Variants in DNAJC13 observed in about 807,000 individuals in gnomAD.
DNAJC13 encodes the protein DnaJ heat shock protein family (Hsp40) member C13.
DNAJC13 carries 75 observed loss-of-function variants against 290.5 expected under a neutral mutation model. The ratio of observed to expected loss-of-function variants is 0.26; its 90% CI spans 0.21 to 0.31. The LOEUF (loss-of-function observed/expected upper bound fraction) is 0.31. Ranked by LOEUF, DNAJC13 falls within the 10% of genes least tolerant of loss-of-function variation. DNAJC13 has a pLI of 1.00. For missense variants in DNAJC13, 2,260 were observed against 2,674.5 expected (o/e 0.85, Z 3.42); for synonymous variants, 862 against 892.0 (o/e 0.97, Z 0.60).
At chr3:132,520,975 A>C (rs1936072077) in intron 48 of DNAJC13, among the ~76,000 whole-genome samples, 1 of 152,244 alleles carries the variant, frequency 6.6e-6, no homozygotes, top group South Asian at 2.1e-4. Flanking sequence ...AGTTCTTTTA[A>C]ATACTAGTCT....
At chr3:132,493,556 AT>A (rs1483669127) in intron 33 of DNAJC13, among the ~76,000 whole-genome samples, 1 of 152,146 alleles carries the variant, frequency 6.6e-6, no homozygotes, top group Non-Finnish European at 1.5e-5. Flanking sequence ...CAAGAATTAA[AT>A]TTGATAGTCT....
chr3:132,538,260 G>T lies in DNAJC13; in HGVS notation c.6710G>T (p.Gly2237Val). Residue 2237 changes from glycine to valine, a missense_variant, in exon 56 of 56, where the codon GGC (glycine) becomes GTC (valine). By Grantham distance (109) the Gly-to-Val change is moderately radical (BLOSUM62 -3). Coordinates refer to ENST00000260818, the MANE Select transcript of DNAJC13 (RefSeq NM_015268.4). ...NLPPPVDHEA[G>V]DLGYQT ...CCACCTCCTGTAGACCATGAGGCAG[G>T]CGACCTTGGCTATCAGACTTGAAAT... The T allele has an allele frequency of 6.2e-7, 1 of 1,613,670 alleles. No homozygotes were observed. Among genetic ancestry groups the T allele is most frequent in the Non-Finnish European group, 8.5e-7 (1 of 1,179,900 alleles).
chr3:132,459,376 T>A (rs943881635), intron 13 of DNAJC13, among the ~76,000 whole-genome samples: 2 of 152,108 alleles, frequency 1.3e-5, no homozygotes, highest in African/African-American at 4.8e-5. Flanking sequence ...TTATATGAGG[T>A]CAAATTCACA....
chr3:132,423,470 TCTC>T (rs756055593), intron 1 of DNAJC13, among the ~76,000 whole-genome samples: 10 of 152,188 alleles, frequency 6.6e-5, no homozygotes, highest in East Asian at 3.8e-4. Flanking sequence ...ATGGGGTTTC[TCTC>T]CTCAAACTTC....
At chr3:132,425,881 C>T (rs1257079640) in intron 1 of DNAJC13, among the ~76,000 whole-genome samples, 1 of 152,004 alleles carries the variant, frequency 6.6e-6, no homozygotes, top group Admixed American at 6.6e-5. Flanking sequence ...TATAGCTTGA[C>T]CGTAATTGGC....
chr3:132,420,170 C>A (rs760569212), intron 1 of DNAJC13, among the ~76,000 whole-genome samples: 1 of 152,196 alleles, frequency 6.6e-6, no homozygotes, highest in Non-Finnish European at 1.5e-5. Context: ...CACAATCTTG[C>A]AAACTCTTAT....
intron 52 of DNAJC13, 67 bp downstream of exon 52, chr3:132,525,856 A>T: frequency 6.6e-7 from 1 of 1,524,910 alleles, no homozygotes; most frequent in Non-Finnish European, 8.9e-7. Flanking sequence ...CTTGACGGAT[A>T]TAAGTTGTAG....
chr3:132,493,041 AT>A (rs1457530894), intron 33 of DNAJC13, among the ~76,000 whole-genome samples: 1 of 151,988 alleles, frequency 6.6e-6, no homozygotes, highest in Non-Finnish European at 1.5e-5. Flanking sequence ...ACATTGCTTG[AT>A]TTGTCTAAAC....
At chr3:132,451,305 GA>G (rs1168176570) in intron 6 of DNAJC13, among the ~76,000 whole-genome samples, 1 of 149,324 alleles carries the variant, frequency 6.7e-6, no homozygotes, top group Non-Finnish European at 1.5e-5. Context: ...GCACAAAAAG[GA>G]AAAAAAAATG....
intron 44 of DNAJC13, 143 bp downstream of exon 44, chr3:132,511,387 G>A (rs1426180373): frequency 1.0e-6 from 1 of 1,000,386 alleles, no homozygotes; most frequent in Non-Finnish European, 1.4e-6. Flanking sequence ...AATTGACCCT[G>A]TAATAGTTTT....
chr3:132,482,438 G>C, intron 27 of DNAJC13, 108 bp downstream of exon 27: 2 of 773,122 alleles, frequency 2.6e-6, no homozygotes, highest in Non-Finnish European at 4.0e-6. Context: ...TTAAATTCCT[G>C]TTATTAGCTC....
intron 20 of DNAJC13, among the ~76,000 whole-genome samples, chr3:132,471,313 C>T (rs1934243631): frequency 6.8e-6 from 1 of 146,300 alleles, no homozygotes; most frequent in South Asian, 2.2e-4. Context: ...CACCTCCCTC[C>T]CGGACGGGGC....
At chr3:132,498,426 G>A (rs972697526) in intron 36 of DNAJC13, among the ~76,000 whole-genome samples, 2 of 151,958 alleles carry the variant, frequency 1.3e-5, no homozygotes, top group African/African-American at 4.8e-5. Flanking sequence ...AGAATTTCTG[G>A]TGCATTTGCT....
intron 48 of DNAJC13, among the ~76,000 whole-genome samples, chr3:132,521,911 T>G (rs1936103331): frequency 6.6e-6 from 1 of 152,208 alleles, no homozygotes; most frequent in Non-Finnish European, 1.5e-5. Flanking sequence ...TGGGTGTCTC[T>G]GAAGCAACTG....
Position 132,450,861 on chromosome 3 carries a change from T to TTA in DNAJC13, c.537+14_537+15insTA. The TTA allele has an allele frequency of 3.5e-6, 4 of 1,133,674 alleles. No homozygotes were observed. The highest frequency in any genetic ancestry group is 3.6e-6 in the Non-Finnish European group (3 of 826,418). 70.2% of individuals were successfully genotyped at this position (1,133,674 alleles called of 1,614,324 possible). Reference sequence around the variant, plus strand: ...TTTAGTAGATTGGTAAGTACTATTTTAAAAAAAAAAAACACTTTAAAAGGG... The same window carrying TTA: ...TTTAGTAGATTGGTAAGTACTATTTTTAAAAAAAAAAAAACACTTTAAAAGGG... On this transcript the variant is annotated intron_variant, in intron 6 of 55. Transcript: ENST00000260818.
At chr3:132,471,820 C>T (rs1173048437) in intron 20 of DNAJC13, among the ~76,000 whole-genome samples, 3 of 147,400 alleles carry the variant, frequency 2.0e-5, no homozygotes, top group African/African-American at 7.3e-5. Flanking sequence ...CAGGCAGAGA[C>T]GGTCATCACT....
chr3:132,476,869 A>G (rs1934490630), intron 22 of DNAJC13, among the ~76,000 whole-genome samples: 1 of 152,226 alleles, frequency 6.6e-6, no homozygotes, highest in Non-Finnish European at 1.5e-5. Context: ...TTAAAAATGC[A>G]GCCCCTTTTA....
At chr3:132,458,185 G>C (rs1933677652) in intron 13 of DNAJC13, 1 of 152,084 alleles carries the variant, frequency 6.6e-6, no homozygotes, top group African/African-American at 2.4e-5. Flanking sequence ...CTAACTTAGT[G>C]GCAGCTTGTA....
At chr3:132,420,584 T>G (rs1938926494) in intron 1 of DNAJC13, among the ~76,000 whole-genome samples, 1 of 152,046 alleles carries the variant, frequency 6.6e-6, no homozygotes, top group Admixed American at 6.5e-5. Context: ...TAAGAAGCTT[T>G]CAGTAACAAG....
Sources: gnomAD v4.1 joint callset for allele counts (sites outside exome capture counted in the v4.1 genomes callset) on GRCh38, gnomAD v4.1.1 for gene constraint, MANE v1.5 for transcripts, NCBI Gene and HGNC (gene_info 2026-07-23, HGNC 2026-07-21) for gene names.